NRXN3: variants seen among roughly 807,000 people sequenced by gnomAD.
The protein encoded by NRXN3 is neurexin III.
In NRXN3, 32 loss-of-function variants were observed where a neutral mutation model predicts 137.6. That is an observed-to-expected ratio of 0.23 (90% CI 0.18 to 0.31). The LOEUF (loss-of-function observed/expected upper bound fraction) is 0.31, where lower values mean the gene tolerates loss of function less well. Among genes scored for constraint, NRXN3 ranks in the 10% least tolerant of loss-of-function variants. The pLI is 1.00. For missense variants in NRXN3, 1,574 were observed against 2,062.5 expected, an observed-to-expected ratio of 0.76 and a Z score of 4.59; for synonymous variants, 798 against 784.5, an observed-to-expected ratio of 1.02 and a Z score of -0.29.
chr14:78,617,067 C>A (rs1479249433), intron 4 of NRXN3, among the ~76,000 whole-genome samples: 1 of 152,142 alleles, frequency 6.6e-6, no homozygotes, highest in African/African-American at 2.4e-5. Context: ...TTGCTACTAC[C>A]AAATTCTGTT....
chr14:79,136,807 C>T (rs1178750918), intron 15 of NRXN3, among the ~76,000 whole-genome samples: 2 of 152,312 alleles, frequency 1.3e-5, no homozygotes, highest in East Asian at 3.9e-4. Flanking sequence ...CAAAAACGAA[C>T]ACTGTAAAAC....
chr14:79,471,442 C>T (rs1305984510), intron 16 of NRXN3, among the ~76,000 whole-genome samples: 1 of 152,192 alleles, frequency 6.6e-6, no homozygotes, highest in Non-Finnish European at 1.5e-5. Flanking sequence ...TTCCTCCACA[C>T]GTGCTCCAAT....
At chr14:78,552,741 A>G (rs1037073471) in intron 4 of NRXN3, among the ~76,000 whole-genome samples, 2 of 152,246 alleles carry the variant, frequency 1.3e-5, no homozygotes, top group Non-Finnish European at 2.9e-5. Context: ...GATGAAGTTG[A>G]TTAATGGGTA....
intron 19 of NRXN3, among the ~76,000 whole-genome samples, chr14:79,753,889 G>C (rs572020877): frequency 6.6e-6 from 1 of 151,832 alleles, no homozygotes; most frequent in East Asian, 1.9e-4. Flanking sequence ...AAAAAGCAAA[G>C]CAAACAAACA....
intron 15 of NRXN3, among the ~76,000 whole-genome samples, chr14:79,374,795 T>A (rs2094212321): frequency 6.6e-6 from 1 of 152,120 alleles, no homozygotes; most frequent in South Asian, 2.1e-4. Context: ...ACAATTCCTA[T>A]CTCCCCAAAA....
At chr14:78,435,054 T>C (rs774015698) in intron 4 of NRXN3, among the ~76,000 whole-genome samples, 18 of 152,338 alleles carry the variant, frequency 1.2e-4, no homozygotes, top group Non-Finnish European at 2.6e-4. Flanking sequence ...GAGGATTTTG[T>C]AGAACTCCAC....
intron 16 of NRXN3, among the ~76,000 whole-genome samples, chr14:79,518,909 A>C (rs577950501): frequency 6.6e-6 from 1 of 152,284 alleles, no homozygotes; most frequent in African/African-American, 2.4e-5. Flanking sequence ...GTTAGCATTG[A>C]GTATTCTTTA....
chr14:78,249,579 C>T (rs1028071366), intron 2 of NRXN3, among the ~76,000 whole-genome samples: 1 of 152,094 alleles, frequency 6.6e-6, no homozygotes, highest in African/African-American at 2.4e-5. Flanking sequence ...GGGTCCATCA[C>T]AGTGAGGCCC....
intron 4 of NRXN3, among the ~76,000 whole-genome samples, chr14:78,530,268 C>A (rs978016296): frequency 1.3e-5 from 2 of 152,138 alleles, no homozygotes; most frequent in Non-Finnish European, 2.9e-5. Context: ...GACAGAGGCA[C>A]CAGGTTACTT....
At chr14:79,568,972 T>C (rs2097573541) in intron 16 of NRXN3, among the ~76,000 whole-genome samples, 1 of 152,152 alleles carries the variant, frequency 6.6e-6, no homozygotes, top group African/African-American at 2.4e-5. Flanking sequence ...TCCCTGAGAC[T>C]ATAATTGCTA....
intron 4 of NRXN3, among the ~76,000 whole-genome samples, chr14:78,438,059 G>T (rs747507494): frequency 6.6e-5 from 10 of 152,074 alleles, no homozygotes; most frequent in Non-Finnish European, 1.5e-4. Flanking sequence ...TGACAGAGTG[G>T]ACAGGGAGGG....
chr14:79,359,483 T>C (rs2093608415), intron 15 of NRXN3, among the ~76,000 whole-genome samples: 1 of 152,172 alleles, frequency 6.6e-6, no homozygotes, highest in African/African-American at 2.4e-5. Context: ...TCTAGATTTC[T>C]ACATATAATG....
intron 16 of NRXN3, among the ~76,000 whole-genome samples, chr14:79,515,505 G>C (rs552306219): frequency 2.0e-5 from 3 of 150,298 alleles, no homozygotes; most frequent in South Asian, 4.2e-4. Flanking sequence ...AGGGCGACTA[G>C]AACTTTAGCA....
In NRXN3 at chr14:78,879,190, T is replaced by A. The variant is rs535185203; in HGVS notation, c.2275+68846T>A. On this transcript the variant is annotated intron_variant, in intron 10 of 20. Coordinates refer to ENST00000335750, the MANE Select transcript of NRXN3 (RefSeq NM_001330195.2). ...GAATGTTGGACTGCAGATATCTCTT[T>A]GTCATTCTGAATTCTTTTCCTTTGG... Among the ~76,000 whole-genome samples the A allele has an allele frequency of 3.9e-5, 6 of 152,352 alleles. No homozygotes were observed. In the South Asian group the frequency reaches 1.0e-3, roughly 26 times the overall value.
intron 2 of NRXN3, among the ~76,000 whole-genome samples, chr14:78,275,935 C>T (rs1239103702): frequency 6.6e-6 from 1 of 152,192 alleles, no homozygotes; most frequent in Non-Finnish European, 1.5e-5. Context: ...TACCTCTTAC[C>T]TTTGCCATTT....
intron 4 of NRXN3, among the ~76,000 whole-genome samples, chr14:78,390,311 T>C (rs1027385986): frequency 2.6e-5 from 4 of 152,176 alleles, no homozygotes; most frequent in African/African-American, 9.7e-5. Context: ...GTGTTATCTA[T>C]TGTGTCATTT....
intron 19 of NRXN3, among the ~76,000 whole-genome samples, chr14:79,754,862 G>A (rs1002737308): frequency 2.0e-5 from 3 of 151,814 alleles, no homozygotes; most frequent in African/African-American, 7.3e-5. Context: ...AAGATCTGAT[G>A]GTTTCATAAG....
At chr14:79,030,028 T>C (rs1401946706) in intron 15 of NRXN3, among the ~76,000 whole-genome samples, 10 of 150,000 alleles carry the variant, frequency 6.7e-5, no homozygotes, top group Non-Finnish European at 1.2e-4. Context: ...TTTTCTTCTT[T>C]TTTTTTTTCT....
rs545671968 is a variant in NRXN3, at chr14:78,719,289, C to A, written c.2044+4150C>A. Among the ~76,000 whole-genome samples the A allele has an allele frequency of 9.9e-5, 15 of 152,274 alleles. No homozygotes were observed. The South Asian group carries it at 2.5e-3, about 25-fold the overall frequency. ...ATCTGACATATGCACCAGCTGAACACGAAGAATACAAGTATTTTTACTTCT... is the reference window on the plus strand; with the variant it reads ...ATCTGACATATGCACCAGCTGAACAAGAAGAATACAAGTATTTTTACTTCT... On this transcript the variant is annotated intron_variant, in intron 8 of 20. Transcript: ENST00000335750.
Sources: allele counts gnomAD v4.1 joint callset (sites outside exome capture counted in the v4.1 genomes callset), GRCh38; gene constraint gnomAD v4.1.1; transcripts MANE v1.5; gene names NCBI Gene and HGNC (gene_info 2026-07-23, HGNC 2026-07-21).